Variants in SS18L1 observed in about 807,000 individuals in gnomAD.
The protein encoded by SS18L1 is calcium-responsive transactivator.
In SS18L1, 32 loss-of-function variants were observed where a neutral mutation model predicts 70.3. The ratio of observed to expected loss-of-function variants is 0.46; its 90% CI spans 0.34 to 0.61. The LOEUF is 0.61. SS18L1 is among the 20% of genes least tolerant of loss of function. The probability of loss-of-function intolerance (pLI) is 0.01; values close to 1 mark genes in which losing one functional copy is unlikely to be tolerated. For missense variants in SS18L1, 430 were observed against 542.1 expected (o/e 0.79, Z 2.05); for synonymous variants, 237 against 229.7 (o/e 1.03, Z -0.29).
At chr20:62,178,816 C>T (rs149327324) in intron 10 of SS18L1, among the ~76,000 whole-genome samples, 273 of 152,318 alleles carry the variant, frequency 1.8e-3, no homozygotes, top group African/African-American at 5.6e-3. Context: ...GTCCCCGCTC[C>T]CATTTTCTTA....
At chr20:62,151,383 A>C (rs2057126641) in intron 1 of SS18L1, among the ~76,000 whole-genome samples, 1 of 152,048 alleles carries the variant, frequency 6.6e-6, no homozygotes, top group African/African-American at 2.4e-5. Context: ...CTGCTCACCC[A>C]CATGGTCCAT....
At chr20:62,157,182 C>T (rs961191486) in intron 1 of SS18L1, among the ~76,000 whole-genome samples, 2 of 152,160 alleles carry the variant, frequency 1.3e-5, no homozygotes, top group Non-Finnish European at 1.5e-5. Context: ...TGCAGGATGC[C>T]GCCTGGCCCC....
intron 7 of SS18L1, 84 bp from the exon 8 acceptor site, chr20:62,165,338 C>T (rs1327393401): frequency 2.2e-6 from 3 of 1,359,918 alleles, no homozygotes; most frequent in Non-Finnish European, 3.0e-6. Context: ...GACAACATCT[C>T]CCCAGCCTGG....
chr20:62,149,025 C>T lies in SS18L1; in HGVS notation c.69+5136C>T, dbSNP rs78614396. 4.5e-3 allele frequency among the ~76,000 whole-genome samples: 690 copies of T among 152,328 alleles called. 3 individuals are homozygous for T. Among genetic ancestry groups the T allele is most frequent in the African/African-American group, 0.013 (556 of 41,568 alleles). On this transcript the variant is annotated intron_variant, in intron 1 of 10. Transcript: ENST00000331758. ...CCGGCGGTCCTGCGGGTGCTCTCCTCGAGGCTCCGGCCCTTTGCGCGGTCT... is the reference window on the plus strand; with the variant it reads ...CCGGCGGTCCTGCGGGTGCTCTCCTTGAGGCTCCGGCCCTTTGCGCGGTCT...
chr20:62,177,190 G>A (rs143833582), intron 10 of SS18L1, among the ~76,000 whole-genome samples: 14 of 152,300 alleles, frequency 9.2e-5, no homozygotes, highest in African/African-American at 3.1e-4. Flanking sequence ...AAGCAGAGGC[G>A]GGCGGGAGCA....
intron 1 of SS18L1, among the ~76,000 whole-genome samples, chr20:62,144,849 C>G (rs1398635517): frequency 6.6e-6 from 1 of 152,230 alleles, no homozygotes; most frequent in East Asian, 1.9e-4. Flanking sequence ...TTCCTAAACT[C>G]TGACTCCGTC....
At chr20:62,175,277 G>T in intron 10 of SS18L1, 1 of 985,484 alleles carries the variant, frequency 1.0e-6, no homozygotes, top group Non-Finnish European at 1.2e-6. Context: ...TCTCGGGACA[G>T]TGAGGAGGCC....
At chr20:62,173,000 G>A (rs1415737032) in intron 9 of SS18L1, among the ~76,000 whole-genome samples, 199 bp downstream of exon 9, 2 of 152,254 alleles carry the variant, frequency 1.3e-5, no homozygotes, top group Non-Finnish European at 2.9e-5. Flanking sequence ...CGGTGACCCT[G>A]GTGCTCAGGC....
chr20:62,159,837 G>T lies in SS18L1; in HGVS notation c.147-40G>T, dbSNP rs1283068032. ...CTTGGATCCACGTGGGGACTCTGTG[G>T]TCCCGTCGTCCTGCCTCATGCGTGC... On this transcript the variant is annotated intron_variant, in intron 2 of 10. Coordinates refer to ENST00000331758, the MANE Select transcript of SS18L1 (RefSeq NM_198935.3). This position sits in a 1 kb window ranked among gnomAD's most constrained non-coding sequence, Gnocchi z 4.4. 5 of 1,595,692 alleles carry T rather than the reference G, an allele frequency of 3.1e-6. No individual in the cohort carries two copies. The highest frequency in any genetic ancestry group is 4.3e-6 in the Non-Finnish European group (5 of 1,169,906).
At chr20:62,167,043 T>TTG (rs1491499172) in intron 8 of SS18L1, among the ~76,000 whole-genome samples, 144 of 87,248 alleles carry the variant, frequency 1.7e-3, no homozygotes, top group African/African-American at 0.011. Flanking sequence ...AGTTTGTTTG[T>TTG]TTTTTTTTTT....
rs533380625 is a variant in SS18L1, at chr20:62,161,683, G to C, written c.376+103G>C. On this transcript the variant is annotated intron_variant, in intron 4 of 10. Transcript: ENST00000331758. This position sits in a 1 kb window ranked among gnomAD's most constrained non-coding sequence, Gnocchi z 4.4. ...GGGGCACCCCACCCCTCACAGGGCT[G>C]GGCATGGGACCCACTCCTCCTGGGG... 2.7e-6 allele frequency: 4 copies of C among 1,469,850 alleles called. No individual in the cohort carries two copies. The African/African-American group carries it at 5.6e-5, about 21-fold the overall frequency. 91.1% of individuals were successfully genotyped at this position (1,469,850 alleles called of 1,614,324 possible). A position where few individuals can be genotyped will look rare whatever the true frequency, so the allele number is the denominator to read the frequency against.
intron 1 of SS18L1, among the ~76,000 whole-genome samples, chr20:62,147,510 T>C (rs1198996939): frequency 6.6e-6 from 1 of 152,218 alleles, no homozygotes; most frequent in Non-Finnish European, 1.5e-5. Flanking sequence ...GTTGCCTCTT[T>C]GCTGCTTGGC....
chr20:62,160,888 G>A (rs1040838802), intron 3 of SS18L1, among the ~76,000 whole-genome samples: 3 of 152,084 alleles, frequency 2.0e-5, no homozygotes, highest in African/African-American at 7.2e-5. Flanking sequence ...AGAGCTGCTG[G>A]TTGACCTTGA....
At chr20:62,157,007 G>A (rs2057234641) in intron 1 of SS18L1, among the ~76,000 whole-genome samples, 1 of 152,190 alleles carries the variant, frequency 6.6e-6, no homozygotes, top group Non-Finnish European at 1.5e-5. Context: ...CTGGTCACAG[G>A]GCGGGTGTCG....
chr20:62,176,986 T>TA (rs1485609539), intron 10 of SS18L1, among the ~76,000 whole-genome samples: 1 of 152,150 alleles, frequency 6.6e-6, no homozygotes, highest in East Asian at 1.9e-4. Flanking sequence ...CACACTGTGT[T>TA]ATGTTTGCAG....
Position 62,164,224 on chromosome 20 carries a change from G to T in SS18L1, c.801G>T (p.Met267Ile). 1 of 1,549,588 alleles carries T rather than the reference G, an allele frequency of 6.5e-7. No homozygotes were observed. ...YSHSQGAAEPMGQQYYPDGHG... is the reference protein window; with the variant it reads ...YSHSQGAAEPIGQQYYPDGHG... ...ACAGCCAGGGCGCCGCGGAGCCCAT[G>T]GGCCAGCAGTACTACCCCGACGGTG... The change falls in exon 7 of 11, where the codon ATG becomes ATT. Residue 267 changes from methionine (M) to isoleucine (I), a missense_variant. Transcript: ENST00000331758.
chr20:62,162,267 C>T (rs1393093096), intron 4 of SS18L1, among the ~76,000 whole-genome samples: 2 of 152,114 alleles, frequency 1.3e-5, no homozygotes, highest in African/African-American at 4.8e-5. Context: ...AACGATTCAT[C>T]CTGTGCTTTG....
At chr20:62,151,826 C>T (rs1213905716) in intron 1 of SS18L1, among the ~76,000 whole-genome samples, 1 of 151,020 alleles carries the variant, frequency 6.6e-6, no homozygotes, top group Non-Finnish European at 1.5e-5. Flanking sequence ...TTCCCGCTCC[C>T]CATAGCTGGC....
At chr20:62,170,511 GAAAA>G (rs919180096) in intron 8 of SS18L1, among the ~76,000 whole-genome samples, 3 of 152,084 alleles carry the variant, frequency 2.0e-5, no homozygotes, top group Non-Finnish European at 4.4e-5. Context: ...ATCTCGAAAA[GAAAA>G]GAAAGAACCC....
Sources: allele counts gnomAD v4.1 joint callset (sites outside exome capture counted in the v4.1 genomes callset), GRCh38; gene constraint gnomAD v4.1.1; non-coding constraint Gnocchi (gnomAD v3.1); transcripts MANE v1.5; gene names NCBI Gene and HGNC (gene_info 2026-07-23, HGNC 2026-07-21).